Variants in FSTL5 observed in about 807,000 individuals in gnomAD.
FSTL5 encodes the protein follistatin-related protein 5.
A neutral mutation model predicts 89.1 loss-of-function variants in FSTL5; 62 were observed. The observed-to-expected ratio is 0.70, with a 90% confidence interval of 0.57 to 0.86. The LOEUF is 0.86. Among genes scored for constraint, FSTL5 ranks in the 40% least tolerant of loss-of-function variants. The pLI is 0.00. For synonymous variants in FSTL5, 383 were observed against 346.2 expected (o/e 1.11, Z -1.18); for missense variants, 1,057 against 1,001.6 (o/e 1.06, Z -0.75).
chr4:162,157,904 G>A (rs1354506542), intron 1 of FSTL5, among the ~76,000 whole-genome samples: 1 of 152,074 alleles, frequency 6.6e-6, no homozygotes, highest in African/African-American at 2.4e-5. Context: ...GCAACAGCTA[G>A]TGGCCAGTAT....
chr4:161,522,817 T>C (rs1212305734), intron 10 of FSTL5, among the ~76,000 whole-genome samples: 7 of 151,716 alleles, frequency 4.6e-5, no homozygotes, highest in African/African-American at 1.7e-4. Context: ...CCGAAATTAT[T>C]TGAAGTTTAA....
At chr4:161,567,007 CAAATTTACTAT>C (rs1732839384) in intron 8 of FSTL5, among the ~76,000 whole-genome samples, 1 of 151,934 alleles carries the variant, frequency 6.6e-6, no homozygotes, top group South Asian at 2.1e-4. Context: ...TGAATGAAAT[CAAATTTACTAT>C]GTATTACATG....
chr4:161,821,621 T>A (rs1730496465), intron 4 of FSTL5, among the ~76,000 whole-genome samples: 1 of 152,166 alleles, frequency 6.6e-6, no homozygotes, highest in African/African-American at 2.4e-5. Flanking sequence ...TCTTATGCCT[T>A]TGCATCCTCA....
intron 15 of FSTL5, among the ~76,000 whole-genome samples, chr4:161,409,755 C>G (rs1407563941): frequency 6.6e-6 from 1 of 152,124 alleles, no homozygotes; most frequent in Non-Finnish European, 1.5e-5. Flanking sequence ...AAAGAACAAA[C>G]CTGCTACCAC....
Position 161,455,139 on chromosome 4 carries a change from C to G in FSTL5, c.1717-11G>C. ...GGCCAGGGTAATTACCTAAAGAGAA[C>G]ACACCTTGGTTAGACCTCAACAATG... On this transcript the variant is annotated splice_polypyrimidine_tract_variant and intron_variant, in intron 14 of 15. Transcript: ENST00000306100. 1 of 1,593,060 alleles carries G rather than the reference C, an allele frequency of 6.3e-7. No individual in the cohort carries two copies. The highest frequency in any genetic ancestry group is 8.5e-7 in the Non-Finnish European group (1 of 1,171,750).
At chr4:161,429,232 T>C (rs1033859116) in intron 15 of FSTL5, among the ~76,000 whole-genome samples, 1 of 152,082 alleles carries the variant, frequency 6.6e-6, no homozygotes, top group Admixed American at 6.5e-5. Flanking sequence ...AAGTTTTCCA[T>C]GCTAGACCCT....
At chr4:162,076,710 A>C (rs547583514) in intron 2 of FSTL5, among the ~76,000 whole-genome samples, 1 of 151,916 alleles carries the variant, frequency 6.6e-6, no homozygotes, top group African/African-American at 2.4e-5. Flanking sequence ...TTCAATCGGC[A>C]CTGTAATACA....
intron 3 of FSTL5, among the ~76,000 whole-genome samples, chr4:162,003,322 GT>G (rs1736520811): frequency 6.6e-6 from 1 of 152,056 alleles, no homozygotes; most frequent in Non-Finnish European, 1.5e-5. Context: ...GTACTATGAG[GT>G]TAGTTGTGTC....
intron 4 of FSTL5, among the ~76,000 whole-genome samples, chr4:161,833,569 A>T (rs2126864007): frequency 6.7e-6 from 1 of 150,084 alleles, no homozygotes; most frequent in South Asian, 2.1e-4. Flanking sequence ...GTGCTCCTGT[A>T]TTGGGTGCAT....
intron 15 of FSTL5, among the ~76,000 whole-genome samples, chr4:161,430,794 A>C (rs1272090502): frequency 6.6e-6 from 1 of 152,144 alleles, no homozygotes; most frequent in Non-Finnish European, 1.5e-5. Context: ...GATAAAGAAA[A>C]GATTCTAAAA....
intron 7 of FSTL5, among the ~76,000 whole-genome samples, chr4:161,588,281 C>G (rs759138236): frequency 3.3e-5 from 5 of 152,028 alleles, no homozygotes; most frequent in African/African-American, 1.2e-4. Flanking sequence ...CTGCATTCTT[C>G]ACATTGGTAG....
At chr4:161,908,271 T>A (rs1733592405) in intron 4 of FSTL5, among the ~76,000 whole-genome samples, 1 of 152,020 alleles carries the variant, frequency 6.6e-6, no homozygotes, top group South Asian at 2.1e-4. Context: ...CCTGATTAGG[T>A]TCCAATACAT....
intron 15 of FSTL5, among the ~76,000 whole-genome samples, chr4:161,397,103 T>C (rs1479160263): frequency 6.6e-6 from 1 of 152,110 alleles, no homozygotes; most frequent in Non-Finnish European, 1.5e-5. Context: ...ATAACTTCTG[T>C]TTGTATGCCT....
intron 2 of FSTL5, among the ~76,000 whole-genome samples, chr4:162,096,721 T>A (rs1465675501): frequency 2.6e-5 from 4 of 152,054 alleles, no homozygotes; most frequent in Non-Finnish European, 5.9e-5. Context: ...ATAATATTGC[T>A]TAAGTATGAA....
At chr4:161,461,868 G>A (rs1733596228) in intron 13 of FSTL5, among the ~76,000 whole-genome samples, 1 of 151,614 alleles carries the variant, frequency 6.6e-6, no homozygotes, top group South Asian at 2.1e-4. Flanking sequence ...GCTTTAAATG[G>A]AATAATCTTT....
At chr4:162,024,272 A>G (rs1737199580) in intron 3 of FSTL5, among the ~76,000 whole-genome samples, 3 of 152,200 alleles carry the variant, frequency 2.0e-5, no homozygotes, top group African/African-American at 7.2e-5. Flanking sequence ...TACATGATAC[A>G]TAGATCATCA....
Position 161,860,224 on chromosome 4 carries a change from C to T in FSTL5, c.409+60180G>A, listed in dbSNP as rs561820949. 3.3e-5 allele frequency among the ~76,000 whole-genome samples: 5 copies of T among 152,132 alleles called. No homozygotes were observed. The East Asian group carries it at 5.8e-4, about 18-fold the overall frequency. The stretch of plus-strand genomic sequence containing the variant: ...AATGGCGTGAACCCGGGAGGCGGAG[C>T]TTGCAGTGAGAGGAGATCGCGCCAC... On this transcript the variant is annotated intron_variant, in intron 4 of 15. Coordinates refer to ENST00000306100, the MANE Select transcript of FSTL5 (RefSeq NM_020116.5).
At chr4:161,466,143 C>A (rs1372482112) in intron 13 of FSTL5, among the ~76,000 whole-genome samples, 1 of 152,090 alleles carries the variant, frequency 6.6e-6, no homozygotes, top group African/African-American at 2.4e-5. Context: ...TTGATAAAAG[C>A]AATTTTTCTT....
chr4:162,094,783 A>G (rs1371230198), intron 2 of FSTL5, among the ~76,000 whole-genome samples: 2 of 152,146 alleles, frequency 1.3e-5, no homozygotes, highest in Non-Finnish European at 2.9e-5. Flanking sequence ...TACAGGAGAT[A>G]TTTTGTGTCA....
Sources: gnomAD v4.1 joint callset for allele counts (sites outside exome capture counted in the v4.1 genomes callset) on GRCh38, gnomAD v4.1.1 for gene constraint, MANE v1.5 for transcripts, NCBI Gene and HGNC (gene_info 2026-07-23, HGNC 2026-07-21) for gene names.